The following UBAC1 variants were observed in gnomAD, a reference collection of about 807,000 sequenced individuals.
UBAC1 encodes the protein ubiquitin-associated domain-containing protein 1.
Under a neutral mutation model 45.9 loss-of-function variants are expected in UBAC1, and 27 were observed. The ratio of observed to expected loss-of-function variants is 0.59; its 90% CI spans 0.43 to 0.81. The LOEUF (loss-of-function observed/expected upper bound fraction) is 0.81, where lower values mean the gene tolerates loss of function less well. Among genes scored for constraint, UBAC1 ranks in the 30% least tolerant of loss-of-function variants. The pLI, the probability that UBAC1 is intolerant of heterozygous loss-of-function variation, is 0.00. For synonymous variants in UBAC1, 227 were observed against 215.5 expected, an observed-to-expected ratio of 1.05 and a Z score of -0.47; for missense variants, 529 against 539.2, an observed-to-expected ratio of 0.98 and a Z score of 0.19.
At chr9:135,953,654 C>A (rs950759559) in intron 3 of UBAC1, 26 bp downstream of exon 3, 1 of 1,603,100 alleles carries the variant, frequency 6.2e-7, no homozygotes, top group Non-Finnish European at 8.5e-7. Context: ...CAACCAAGGT[C>A]CCCAATTGCA....
At chr9:135,944,181 G>A (rs1839299157) in intron 7 of UBAC1, among the ~76,000 whole-genome samples, 1 of 152,226 alleles carries the variant, frequency 6.6e-6, no homozygotes. Context: ...GGAACCCTGT[G>A]CAGGGAAGAC....
intron 7 of UBAC1, among the ~76,000 whole-genome samples, chr9:135,943,266 A>G (rs1839290290): frequency 6.6e-6 from 1 of 152,166 alleles, no homozygotes; most frequent in South Asian, 2.1e-4. Context: ...CTAAAAGTAC[A>G]AAAATTAGCT....
rs111251848 is a variant in UBAC1 at position 135,947,822 on chromosome 9, G to A, written c.417C>T (p.Ala139=). 212 of 1,614,006 alleles carry A rather than the reference G, an allele frequency of 1.3e-4. No homozygotes were observed. The African/African-American group carries it at 1.9e-3, about 15-fold the overall frequency. ...ANLPSYNMDR[A]AVQTNMRDFQ... is the part of the protein sequence containing the mutation. The stretch of plus-strand genomic sequence containing the variant: ...CGTCTCTCATGTTGGTCTGGACCGC[G>A]GCCCGGTCCATGTTGTAGGAGGGCA... The change falls in exon 4 of 10, where the codon GCC becomes GCT. Residue 139 remains alanine (A), a synonymous_variant. Transcript: ENST00000371756.
At chr9:135,938,810 T>C (rs1357912775) in intron 8 of UBAC1, among the ~76,000 whole-genome samples, 1 of 93,880 alleles carries the variant, frequency 1.1e-5, no homozygotes, top group East Asian at 3.9e-4. Flanking sequence ...GCACGGGGGA[T>C]GGTGGGGGGG....
intron 1 of UBAC1, among the ~76,000 whole-genome samples, chr9:135,957,233 T>C (rs573398003): frequency 1.7e-3 from 264 of 152,010 alleles, no homozygotes; most frequent in Middle Eastern, 6.8e-3. Context: ...GAGGGGATGT[T>C]GGGGGGACGC....
At chr9:135,936,928 T>C (rs755128041) in intron 9 of UBAC1, among the ~76,000 whole-genome samples, 2 of 152,108 alleles carry the variant, frequency 1.3e-5, no homozygotes, top group African/African-American at 2.4e-5. Context: ...ACACAAATAA[T>C]GGGAAAAGGG....
At chr9:135,947,320 C>T (rs1203811493) in intron 4 of UBAC1, among the ~76,000 whole-genome samples, 3 of 152,110 alleles carry the variant, frequency 2.0e-5, no homozygotes, top group South Asian at 2.1e-4. Flanking sequence ...GATGCAATCT[C>T]GGCTTACTGC....
rs754196005 is a variant in UBAC1 at position 135,938,357 on chromosome 9, C to G, written c.967G>C (p.Glu323Gln). The change falls in exon 9 of 10, where the codon GAG (glutamate) becomes CAG (glutamine). Residue 323 changes from glutamate (E) to glutamine (Q), a missense_variant. Coordinates refer to ENST00000371756, the MANE Select transcript of UBAC1 (RefSeq NM_016172.3). ...GGCTTCCGGTCCCCCAGCAGCCACT[C>G]GCACTGCAAAGCCAAGAGCACCAAT... Reference protein sequence around the residue: ...VNNNQQNAACEWLLGDRKPSP... With the variant: ...VNNNQQNAACQWLLGDRKPSP... The G allele has an allele frequency of 5.6e-6, 9 of 1,613,010 alleles. No homozygotes were observed. Among genetic ancestry groups the G allele is most frequent in the Admixed American group, 5.0e-5 (3 of 59,908 alleles).
intron 7 of UBAC1, among the ~76,000 whole-genome samples, chr9:135,942,841 G>A (rs1839286212): frequency 6.6e-6 from 1 of 152,140 alleles, no homozygotes; most frequent in African/African-American, 2.4e-5. Flanking sequence ...GGGCCCATGG[G>A]AGGTAGGGAG....
At chr9:135,944,755 T>C (rs1839307113) in intron 7 of UBAC1, among the ~76,000 whole-genome samples, 1 of 152,228 alleles carries the variant, frequency 6.6e-6, no homozygotes, top group Non-Finnish European at 1.5e-5. Context: ...AGGTGACGAA[T>C]GTGGCAACAC....
In UBAC1 at chr9:135,933,320, C is replaced by G. The variant is rs1307281629; in HGVS notation, c.*80G>C. 8.5e-7 allele frequency: 1 copy of G among 1,176,414 alleles called. No individual in the cohort carries two copies. Among genetic ancestry groups the G allele is most frequent in the African/African-American group, 1.5e-5 (1 of 66,496 alleles). The allele number at this position is 1,176,414 out of a possible 1,614,324, so 72.9% of individuals were successfully genotyped here. Reference sequence around the variant, plus strand: ...GGGCTGAGGCGCTGAAGGTGAGTTTCCAGGTGAGGTCCACTCTGCCCGGTC... The same window carrying G: ...GGGCTGAGGCGCTGAAGGTGAGTTTGCAGGTGAGGTCCACTCTGCCCGGTC... On this transcript the variant is annotated 3_prime_UTR_variant, in exon 10 of 10. Coordinates refer to ENST00000371756, the MANE Select transcript of UBAC1 (RefSeq NM_016172.3).
chr9:135,943,166 T>C (rs2131084962), intron 7 of UBAC1, among the ~76,000 whole-genome samples: 1 of 152,268 alleles, frequency 6.6e-6, no homozygotes, highest in Non-Finnish European at 1.5e-5. Flanking sequence ...ACACCTGTAA[T>C]CCCAGCACTT....
rs1362206818 is a variant in UBAC1 at position 135,961,271 on chromosome 9, G to A, written c.-109C>T. ...GACCGCCCGCGCGCTCCTTCGCTGG[G>A]CCGCCGCCCCGCCCCGGCTCCCGTC... On this transcript the variant is annotated 5_prime_UTR_variant, in exon 1 of 10. Transcript: ENST00000371756. 4.9e-6 allele frequency: 5 copies of A among 1,010,820 alleles called. No individual in the cohort carries two copies. The highest frequency in any genetic ancestry group is 3.4e-5 in the African/African-American group (2 of 58,216). The allele number at this position is 1,010,820 out of a possible 1,614,324, so 62.6% of individuals were successfully genotyped here.
At chr9:135,956,004 G>C (rs921531480) in intron 1 of UBAC1, among the ~76,000 whole-genome samples, 1 of 152,250 alleles carries the variant, frequency 6.6e-6, no homozygotes, top group South Asian at 2.1e-4. Context: ...CCCAGCTCAC[G>C]AAGCAACAGC....
At chr9:135,948,223 C>T (rs1300633611) in intron 3 of UBAC1, among the ~76,000 whole-genome samples, 1 of 152,226 alleles carries the variant, frequency 6.6e-6, no homozygotes, top group Non-Finnish European at 1.5e-5. Flanking sequence ...TCCAGAAGAA[C>T]CACCCAGGCT....
chr9:135,961,135 C>A lies in UBAC1; in HGVS notation c.28G>T (p.Ala10Ser). The A allele has an allele frequency of 6.3e-7, 1 of 1,584,684 alleles. No individual in the cohort carries two copies. The highest frequency in any genetic ancestry group is 1.1e-5 in the South Asian group (1 of 88,442). ...ATGTGCAGCCGCAGCACCTTGCCCG[C>A]GAAGATCTTCTCCTCCTGCACGAAC... Reference protein sequence around the residue: MFVQEEKIFAGKVLRLHICA... With the variant: MFVQEEKIFSGKVLRLHICA... Residue 10 changes from alanine (A) to serine (S), a missense_variant, in exon 1 of 10, where the codon GCG (alanine) becomes TCG (serine). Transcript: ENST00000371756.
In UBAC1 at chr9:135,939,406, G is replaced by A. The variant is rs115765694; in HGVS notation, c.963+267C>T. 7.8e-3 allele frequency among the ~76,000 whole-genome samples: 1,188 copies of A among 152,158 alleles called. 9 individuals carry two copies. The highest frequency in any genetic ancestry group is 0.027 in the African/African-American group (1,103 of 41,492). ...ACACGGCCTCCACCACGCCCGGGGC[G>A]CTCACGAGTGAGGCTCCCAGCACTC... is the stretch of plus-strand genomic sequence containing the variant. On this transcript the variant is annotated intron_variant, in intron 8 of 9. Transcript: ENST00000371756.
At chr9:135,957,452 C>T (rs1449428790) in intron 1 of UBAC1, among the ~76,000 whole-genome samples, 2 of 152,108 alleles carry the variant, frequency 1.3e-5, no homozygotes, top group African/African-American at 2.4e-5. Context: ...CCCAAAAAAC[C>T]CACAGTCCAC....
intron 3 of UBAC1, among the ~76,000 whole-genome samples, chr9:135,949,802 G>C (rs1206415508): frequency 1.3e-5 from 2 of 152,246 alleles, no homozygotes; most frequent in African/African-American, 4.8e-5. Context: ...GTCCACTCTG[G>C]GGTCAGGTTA....
Sources: allele counts gnomAD v4.1 joint callset (sites outside exome capture counted in the v4.1 genomes callset), GRCh38; gene constraint gnomAD v4.1.1; transcripts MANE v1.5; gene names NCBI Gene and HGNC (gene_info 2026-07-23, HGNC 2026-07-21).